Variants in CSK observed in about 807,000 individuals in gnomAD.
CSK encodes tyrosine-protein kinase CSK.
CSK carries 7 observed loss-of-function variants against 62.3 expected under a neutral mutation model. That is an observed-to-expected ratio of 0.11 (90% CI 0.06 to 0.21). CSK has a LOEUF of 0.21. CSK is among the 10% of genes least tolerant of loss of function. The probability of loss-of-function intolerance (pLI) is 1.00; values close to 1 mark genes in which losing one functional copy is unlikely to be tolerated. For missense variants in CSK, 294 were observed against 613.5 expected (o/e 0.48, Z 5.50); for synonymous variants, 237 against 246.0 (o/e 0.96, Z 0.34).
At chr15:74,786,308 A>T (rs1339091958) in intron 1 of CSK, among the ~76,000 whole-genome samples, 1 of 152,074 alleles carries the variant, frequency 6.6e-6, no homozygotes, top group African/African-American at 2.4e-5. Flanking sequence ...GGCGTGAGCC[A>T]CTGCGCCTCT....
At chr15:74,784,034 T>G (rs1441084684) in intron 1 of CSK, among the ~76,000 whole-genome samples, 4 of 152,156 alleles carry the variant, frequency 2.6e-5, no homozygotes, top group African/African-American at 9.7e-5. Context: ...GTGTCTTTCT[T>G]GGTTGTGGCC....
At chr15:74,788,101 T>A (rs2063552526) in intron 1 of CSK, among the ~76,000 whole-genome samples, 1 of 152,132 alleles carries the variant, frequency 6.6e-6, no homozygotes, top group South Asian at 2.1e-4. Flanking sequence ...CTGTGAAAGT[T>A]GAGAAGTGTT....
At chr15:74,800,283 A>T in intron 5 of CSK, 129 bp from the exon 6 acceptor site, 1 of 740,674 alleles carries the variant, frequency 1.4e-6, no homozygotes, top group Non-Finnish European at 2.3e-6. Flanking sequence ...AGAAATGGGG[A>T]GCCCTCCCCA....
At chr15:74,795,348 A>G (rs1408954631) in intron 1 of CSK, among the ~76,000 whole-genome samples, 1 of 152,118 alleles carries the variant, frequency 6.6e-6, no homozygotes, top group East Asian at 1.9e-4. Flanking sequence ...CAATAATAAC[A>G]ATAATAATAA....
chr15:74,787,945 A>G (rs2141783172), intron 1 of CSK, among the ~76,000 whole-genome samples: 1 of 152,288 alleles, frequency 6.6e-6, no homozygotes, highest in Middle Eastern at 3.4e-3. Context: ...AAACCCTGAG[A>G]GCGCCTCTGC....
Position 74,798,199 on chromosome 15 carries a change from C to T in CSK, c.-65-34C>T. 7.3e-7 allele frequency: 1 copy of T among 1,366,806 alleles called. No homozygotes were observed. The highest frequency in any genetic ancestry group is 9.9e-7 in the Non-Finnish European group (1 of 1,009,852). The allele number at this position is 1,366,806 out of a possible 1,614,324, so 84.7% of individuals were successfully genotyped here. A position where few individuals can be genotyped will look rare whatever the true frequency, so the allele number is the denominator to read the frequency against. On this transcript the variant is annotated intron_variant, in intron 1 of 12. Coordinates refer to ENST00000220003, the MANE Select transcript of CSK (RefSeq NM_004383.3). The surrounding 1 kb of genome is among the most constrained non-coding windows in gnomAD (Gnocchi z 6.6). ...TCAGCAGTTGGGGGGCATTTCTTCA[C>T]ACCCCTCCTCAGTCTTCATGCTCTT...
At chr15:74,788,575 C>G (rs113956333) in intron 1 of CSK, 1 of 152,768 alleles carries the variant, frequency 6.5e-6, no homozygotes, top group Non-Finnish European at 1.5e-5. Context: ...GAGGAGTGTA[C>G]TGGTAACACC....
At position 74,802,448 on chromosome 15, in the gene CSK, C is replaced by T. The variant is rs1596374084; in HGVS notation, c.1288C>T (p.Arg430Trp). 1.2e-6 allele frequency: 2 copies of T among 1,612,424 alleles called. No individual in the cohort carries two copies. The highest frequency in any genetic ancestry group is 8.5e-7 in the Non-Finnish European group (1 of 1,179,676). Residue 430 changes from arginine to tryptophan, a missense_variant, in exon 13 of 13, where the codon CGG becomes TGG. By Grantham distance (101) the Arg-to-Trp change is moderately radical. Transcript: ENST00000220003. ...KNCWHLDAAMRPSFLQLREQL... is the reference protein window; with the variant it reads ...KNCWHLDAAMWPSFLQLREQL... ...CTGCTGGCACCTGGACGCCGCCATG[C>T]GGCCCTCCTTCCTACAGCTCCGAGA...
At position 74,801,534 on chromosome 15, in the gene CSK, G is replaced by A. The variant is rs1281649576; in HGVS notation, c.826G>A (p.Asp276Asn). 6.2e-7 allele frequency: 1 copy of A among 1,613,398 alleles called. No individual in the cohort carries two copies. The highest frequency in any genetic ancestry group is 2.2e-5 in the East Asian group (1 of 44,858). ...TTCCTGCCCCCAGGGGAGCCTTGTG[G>A]ACTACCTGCGGTCTAGGGGTCGGTC... is the stretch of plus-strand genomic sequence containing the variant. ...TEYMAKGSLV[D>N]YLRSRGRSVL... The change falls in exon 10 of 13, where the codon GAC becomes AAC. Residue 276 changes from aspartate (D) to asparagine (N), a missense_variant. Around this residue, in one of 3 missense-constraint regions of CSK, gnomAD observed 202 missense variants for 415.7 expected, o/e 0.49. Transcript: ENST00000220003.
At position 74,782,910 on chromosome 15, in the gene CSK, G is replaced by C. The variant is rs1170235145; in HGVS notation, c.-66+190G>C. Reference sequence around the variant, plus strand: ...CACTGTCAGAACCCAAATTGGAAGGGAGTGCATGAGGGAGGTACTGCCCTG... The same window carrying C: ...CACTGTCAGAACCCAAATTGGAAGGCAGTGCATGAGGGAGGTACTGCCCTG... On this transcript the variant is annotated intron_variant, in intron 1 of 12. Coordinates refer to ENST00000220003, the MANE Select transcript of CSK (RefSeq NM_004383.3). This position sits in a 1 kb window ranked among gnomAD's most constrained non-coding sequence, Gnocchi z 5.7. Among the ~76,000 whole-genome samples, 1 of 152,260 alleles carries C rather than the reference G, an allele frequency of 6.6e-6. No individual in the cohort carries two copies. The highest frequency in any genetic ancestry group is 2.4e-5 in the African/African-American group (1 of 41,468).
rs767310391 is a variant in CSK, at chr15:74,799,458, G to C, written c.429G>C (p.Glu143Asp). The C allele has an allele frequency of 1.2e-6, 2 of 1,613,248 alleles. No homozygotes were observed. The highest frequency in any genetic ancestry group is 1.7e-6 in the Non-Finnish European group (2 of 1,180,004). Residue 143 changes from glutamate to aspartate, a missense_variant, in exon 5 of 13, where the codon GAG becomes GAC. By Grantham distance (45) the Glu-to-Asp change is conservative. Around this residue, in one of 3 missense-constraint regions of CSK, gnomAD observed 202 missense variants for 415.7 expected, o/e 0.49. Transcript: ENST00000220003. The stretch of plus-strand genomic sequence containing the variant: ...CCAGCAAGCTCAGCATCGACGAGGA[G>C]GTGTACTTTGAGAACCTCATGCAGC... ...YHASKLSIDE[E>D]VYFENLMQLV...
Position 74,782,972 on chromosome 15 carries a change from T to TC in CSK, c.-66+259dup, listed in dbSNP as rs991280395. On this transcript the variant is annotated intron_variant, in intron 1 of 12. Coordinates refer to ENST00000220003, the MANE Select transcript of CSK (RefSeq NM_004383.3). The surrounding 1 kb of genome is among the most constrained non-coding windows in gnomAD (Gnocchi z 5.7). ...ACTCGTCTTCTCGGGTCATCCCGAG[T>TC]CCCCCCCTCTGTGGAGCTCAGAGTA... Among the ~76,000 whole-genome samples the TC allele has an allele frequency of 1.7e-4, 26 of 152,044 alleles. No individual in the cohort carries two copies. Among genetic ancestry groups the TC allele is most frequent in the Middle Eastern group, 3.4e-3 (1 of 294 alleles).
intron 4 of CSK, 135 bp from the exon 5 acceptor site, chr15:74,799,137 C>T (rs772860471): frequency 1.9e-5 from 20 of 1,036,198 alleles, no homozygotes; most frequent in Non-Finnish European, 2.5e-5. Flanking sequence ...GGACAGGGAG[C>T]AGAAGAAGAG....
intron 1 of CSK, among the ~76,000 whole-genome samples, chr15:74,787,294 G>A (rs565137749): frequency 1.3e-5 from 2 of 152,348 alleles, no homozygotes; most frequent in East Asian, 1.9e-4. Context: ...TGAGCAGGGA[G>A]AGGCTGGCTT....
chr15:74,794,203 C>T (rs1295190264), intron 1 of CSK, among the ~76,000 whole-genome samples: 12 of 71,928 alleles, frequency 1.7e-4, no homozygotes, highest in Admixed American at 3.5e-4. Flanking sequence ...CAAGGGGTCC[C>T]CGCCACCCCC....
At chr15:74,787,133 G>A (rs34933034) in intron 1 of CSK, among the ~76,000 whole-genome samples, 17,438 of 152,238 alleles carry the variant, frequency 0.11, 1,237 homozygotes, top group South Asian at 0.16. Context: ...CCGGCAGGGA[G>A]CACTGCCTCC....
intron 5 of CSK, 22 bp downstream of exon 5, chr15:74,799,513 C>T (rs1055925268): frequency 6.2e-7 from 1 of 1,605,092 alleles, no homozygotes; most frequent in African/African-American, 1.3e-5. Flanking sequence ...GGTACAGAGC[C>T]TTGCTCCCAC....
intron 1 of CSK, among the ~76,000 whole-genome samples, chr15:74,784,985 G>A (rs35331038): frequency 0.022 from 3,284 of 151,990 alleles, 55 homozygotes; most frequent in East Asian, 0.072. Context: ...TAGGGAGCAG[G>A]TGGGTCCCAG....
rs920779087 is a variant in CSK, at chr15:74,798,047, GTCC to G, written c.-65-183_-65-181del. ...TTGGTGGCTCCCTCTGCCCCTGGGG[GTCC>G]TCAGCCCTCATGCTCCTCTACCCAG... is the stretch of plus-strand genomic sequence containing the variant. On this transcript the variant is annotated intron_variant, in intron 1 of 12. Transcript: ENST00000220003. The surrounding 1 kb of genome is among the most constrained non-coding windows in gnomAD (Gnocchi z 6.6). 5 of 451,386 alleles carry G rather than the reference GTCC, an allele frequency of 1.1e-5. No individual in the cohort carries two copies. The highest frequency in any genetic ancestry group is 9.9e-5 in the African/African-American group (5 of 50,296). The allele number at this position is 451,386 out of a possible 1,614,324, so 28.0% of individuals were successfully genotyped here. A position where few individuals can be genotyped will look rare whatever the true frequency, so the allele number is the denominator to read the frequency against.
Sources: gnomAD v4.1 joint callset for allele counts (sites outside exome capture counted in the v4.1 genomes callset) on GRCh38, gnomAD v4.1.1 for gene constraint, gnomAD v4.1.1 regional missense constraint, Gnocchi (gnomAD v3.1) non-coding constraint, MANE v1.5 for transcripts, NCBI Gene and HGNC (gene_info 2026-07-23, HGNC 2026-07-21) for gene names.